Variants in SPACA1 observed in about 807,000 individuals in gnomAD.
The protein encoded by SPACA1 is sperm acrosome membrane-associated protein 1.
A neutral mutation model predicts 32.6 loss-of-function variants in SPACA1; 17 were observed. The observed-to-expected ratio is 0.52, with a 90% CI of 0.36 to 0.78. SPACA1 has a LOEUF of 0.78. Among genes scored for constraint, SPACA1 ranks in the 30% least tolerant of loss-of-function variants. The pLI is 0.01. For synonymous variants in SPACA1, 140 were observed against 138.1 expected (o/e 1.01, Z -0.10); for missense variants, 363 against 373.4 (o/e 0.97, Z 0.23).
intron 5 of SPACA1, among the ~76,000 whole-genome samples, chr6:88,062,814 T>A (rs1775916582): frequency 6.6e-6 from 1 of 152,104 alleles, no homozygotes; most frequent in Non-Finnish European, 1.5e-5. Context: ...TATGTGGATA[T>A]GTGTATAGAA....
chr6:88,065,464 A>G (rs1467907176), intron 6 of SPACA1, among the ~76,000 whole-genome samples: 2 of 148,108 alleles, frequency 1.4e-5, no homozygotes, highest in African/African-American at 2.5e-5. Flanking sequence ...ATGTACACAT[A>G]TAATATATAT....
At position 88,066,438 on chromosome 6, in the gene SPACA1, A is replaced by G. The variant is rs1775988198; in HGVS notation, c.*103A>G. Reference sequence around the variant, plus strand: ...AAATACTTTAATAATGTTGCGATGGATTGCCACAGTGTGAAGGAAATGCAG... The same window carrying G: ...AAATACTTTAATAATGTTGCGATGGGTTGCCACAGTGTGAAGGAAATGCAG... On this transcript the variant is annotated 3_prime_UTR_variant, in exon 7 of 7. Transcript: ENST00000237201. The G allele has an allele frequency of 1.7e-6, 2 of 1,143,266 alleles. No individual in the cohort carries two copies. The highest frequency in any genetic ancestry group is 2.7e-5 in the Admixed American group (1 of 36,528). 70.8% of individuals were successfully genotyped at this position (1,143,266 alleles called of 1,614,324 possible).
intron 3 of SPACA1, among the ~76,000 whole-genome samples, chr6:88,058,086 A>G (rs1230835873): frequency 1.3e-5 from 2 of 152,174 alleles, no homozygotes; most frequent in African/African-American, 4.8e-5. Flanking sequence ...ATATCACATT[A>G]TGCTGTTCTG....
Position 88,066,442 on chromosome 6 carries a change from C to T in SPACA1, c.*107C>T. The T allele has an allele frequency of 9.1e-7, 1 of 1,103,204 alleles. No homozygotes were observed. Among genetic ancestry groups the T allele is most frequent in the Non-Finnish European group, 1.2e-6 (1 of 812,852 alleles). The allele number at this position is 1,103,204 out of a possible 1,614,324, so 68.3% of individuals were successfully genotyped here. On this transcript the variant is annotated 3_prime_UTR_variant, in exon 7 of 7. Transcript: ENST00000237201. ...ACTTTAATAATGTTGCGATGGATTG[C>T]CACAGTGTGAAGGAAATGCAGTGTG...
In SPACA1 at chr6:88,066,453, A is replaced by G; in HGVS notation, c.*118A>G. 1.1e-6 allele frequency: 1 copy of G among 929,174 alleles called. No individual in the cohort carries two copies. Among genetic ancestry groups the G allele is most frequent in the South Asian group, 2.7e-5 (1 of 36,524 alleles). 57.6% of individuals were successfully genotyped at this position (929,174 alleles called of 1,614,324 possible). ...GTTGCGATGGATTGCCACAGTGTGA[A>G]GGAAATGCAGTGTGGGGATAGGACT... On this transcript the variant is annotated 3_prime_UTR_variant, in exon 7 of 7. Transcript: ENST00000237201.
At position 88,048,040 on chromosome 6, in the gene SPACA1, C is replaced by A; in HGVS notation, c.135C>A (p.Gly45=). The A allele has an allele frequency of 6.2e-7, 1 of 1,602,438 alleles. No homozygotes were observed. ...AVQDAGLAHE[G]EGEEETENND... is the part of the protein sequence containing the mutation. ...AGGATGCCGGCCTGGCCCACGAAGG[C>A]GAGGGCGAGGAGGAGACCGAAAACA... The change falls in exon 1 of 7, where the codon GGC becomes GGA. Residue 45 remains glycine (G), a synonymous_variant. Coordinates refer to ENST00000237201, the MANE Select transcript of SPACA1 (RefSeq NM_030960.3).
At chr6:88,053,244 C>T (rs1775757601) in intron 1 of SPACA1, among the ~76,000 whole-genome samples, 1 of 152,178 alleles carries the variant, frequency 6.6e-6, no homozygotes, top group Admixed American at 6.5e-5. Flanking sequence ...AAGTCATCTT[C>T]TAACAACTCA....
chr6:88,050,158 G>A (rs1224262575), intron 1 of SPACA1, among the ~76,000 whole-genome samples: 1 of 152,100 alleles, frequency 6.6e-6, no homozygotes, highest in African/African-American at 2.4e-5. Context: ...AAATGTTGGT[G>A]CATAAACGTT....
chr6:88,062,673 G>A (rs1775914418), intron 5 of SPACA1, among the ~76,000 whole-genome samples: 3 of 152,110 alleles, frequency 2.0e-5, no homozygotes, highest in Admixed American at 1.3e-4. Context: ...CATGAGGTGG[G>A]TACAGTGGTG....
At chr6:88,052,205 ACTTT>A (rs1228455564) in intron 1 of SPACA1, among the ~76,000 whole-genome samples, 1 of 152,212 alleles carries the variant, frequency 6.6e-6, no homozygotes, top group Non-Finnish European at 1.5e-5. Context: ...GACTTTAGAA[ACTTT>A]CTTATTTAGT....
chr6:88,056,427 A>G (rs1296910673), intron 2 of SPACA1, among the ~76,000 whole-genome samples: 4 of 152,112 alleles, frequency 2.6e-5, no homozygotes, highest in Non-Finnish European at 5.9e-5. Context: ...TTAACCAAAG[A>G]CCTTCTTCCT....
chr6:88,062,528 G>A (rs1775912164), intron 5 of SPACA1, among the ~76,000 whole-genome samples: 1 of 152,254 alleles, frequency 6.6e-6, no homozygotes, highest in Non-Finnish European at 1.5e-5. Flanking sequence ...AATATTCTAT[G>A]TTAATTGGCT....
chr6:88,056,510 T>C (rs948198018), intron 2 of SPACA1, among the ~76,000 whole-genome samples: 5 of 152,174 alleles, frequency 3.3e-5, no homozygotes, highest in African/African-American at 1.2e-4. Flanking sequence ...ACAGACTGCA[T>C]CAGTATCACC....
In SPACA1 at chr6:88,065,414, A is replaced by G. The variant is rs1053998087; in HGVS notation, c.732-768A>G. Among the ~76,000 whole-genome samples the G allele has an allele frequency of 4.2e-5, 6 of 142,942 alleles. No individual in the cohort carries two copies. The Admixed American group carries it at 5.4e-4, about 13-fold the overall frequency. 93.8% of individuals were successfully genotyped at this position (142,942 alleles called of 152,430 possible). A position where few individuals can be genotyped will look rare whatever the true frequency, so the allele number is the denominator to read the frequency against. On this transcript the variant is annotated intron_variant, in intron 6 of 6. Transcript: ENST00000237201. ...CATATGACCTGTATACAGTATATAT[A>G]CTATATTTACATATATAATATATAT...
At chr6:88,052,365 A>G (rs920686732) in intron 1 of SPACA1, among the ~76,000 whole-genome samples, 2 of 152,144 alleles carry the variant, frequency 1.3e-5, no homozygotes, top group Admixed American at 1.3e-4. Flanking sequence ...CGTGTTTTCT[A>G]TGTTCAGGAT....
intron 2 of SPACA1, among the ~76,000 whole-genome samples, chr6:88,056,152 G>T (rs931656786): frequency 1.3e-5 from 2 of 152,224 alleles, no homozygotes; most frequent in East Asian, 3.9e-4. Context: ...TCAGGAGTTC[G>T]AGACCAGCCT....
intron 1 of SPACA1, among the ~76,000 whole-genome samples, chr6:88,051,625 A>G (rs1278275641): frequency 2.0e-5 from 3 of 152,182 alleles, no homozygotes; most frequent in Admixed American, 6.5e-5. Context: ...TTTGATTCCT[A>G]TTGAATTCAC....
At position 88,059,464 on chromosome 6, in the gene SPACA1, A is replaced by T; in HGVS notation, c.486A>T (p.Ile162=). ...KLLRQDQQSI[I]LVNDSAILEV... Reference sequence around the variant, plus strand: ...TTCTTTTTAAATAGCAATCCATTATACTTGTAAATGATTCAGCAATCCTAG... The same window carrying T: ...TTCTTTTTAAATAGCAATCCATTATTCTTGTAAATGATTCAGCAATCCTAG... Residue 162 remains isoleucine, a synonymous_variant, in exon 5 of 7, where the codon ATA becomes ATT. Transcript: ENST00000237201. 6.2e-7 allele frequency: 1 copy of T among 1,610,294 alleles called. No homozygotes were observed. The highest frequency in any genetic ancestry group is 8.5e-7 in the Non-Finnish European group (1 of 1,178,472).
At position 88,066,418 on chromosome 6, in the gene SPACA1, C is replaced by CT; in HGVS notation, c.*86dup. ...CAAAAATAAAATACACATTGAAATA[C>CT]TTTAATAATGTTGCGATGGATTGCC... On this transcript the variant is annotated 3_prime_UTR_variant, in exon 7 of 7. Coordinates refer to ENST00000237201, the MANE Select transcript of SPACA1 (RefSeq NM_030960.3). 7.6e-7 allele frequency: 1 copy of CT among 1,310,616 alleles called. No individual in the cohort carries two copies. 81.2% of individuals were successfully genotyped at this position (1,310,616 alleles called of 1,614,324 possible).
Sources: gnomAD v4.1 joint callset for allele counts (sites outside exome capture counted in the v4.1 genomes callset) on GRCh38, gnomAD v4.1.1 for gene constraint, MANE v1.5 for transcripts, NCBI Gene and HGNC (gene_info 2026-07-23, HGNC 2026-07-21) for gene names.